SLC4A4: variants seen among roughly 807,000 people sequenced by gnomAD.
SLC4A4 encodes solute carrier family 4 member 4.
Under a neutral mutation model 111.5 loss-of-function variants are expected in SLC4A4, and 27 were observed. The observed-to-expected ratio is 0.24, with a 90% CI of 0.18 to 0.33. SLC4A4 has a LOEUF of 0.33. Ranked by LOEUF, SLC4A4 falls within the 10% of genes least tolerant of loss-of-function variation. The probability of loss-of-function intolerance (pLI) is 1.00; values close to 1 mark genes in which losing one functional copy is unlikely to be tolerated. For missense variants in SLC4A4, 909 were observed against 1,315.5 expected (o/e 0.69, Z 4.78); for synonymous variants, 443 against 463.4 (o/e 0.96, Z 0.57).
chr4:71,199,182 C>T (rs1040325963), intron 1 of SLC4A4, among the ~76,000 whole-genome samples: 7 of 152,278 alleles, frequency 4.6e-5, no homozygotes, highest in Non-Finnish European at 5.9e-5. Context: ...TGGGTCTGAC[C>T]GCACATGACA....
chr4:71,112,067 A>T (rs1743104755), intron 2 of SLC4A4, among the ~76,000 whole-genome samples: 1 of 152,246 alleles, frequency 6.6e-6, no homozygotes, highest in African/African-American at 2.4e-5. Flanking sequence ...ATCCTGTGCT[A>T]CAACCATCTG....
chr4:71,207,660 T>C (rs1429460052), intron 1 of SLC4A4, among the ~76,000 whole-genome samples: 8 of 152,244 alleles, frequency 5.3e-5, no homozygotes. Context: ...CTACTTCACA[T>C]TCTCCATCAA....
At chr4:71,354,144 C>T (rs1159874728) in intron 5 of SLC4A4, among the ~76,000 whole-genome samples, 1 of 151,996 alleles carries the variant, frequency 6.6e-6, no homozygotes, top group Non-Finnish European at 1.5e-5. Context: ...GTGTCATTCA[C>T]GTATGAAGCC....
intron 20 of SLC4A4, 40 bp downstream of exon 20, chr4:71,547,760 C>G: frequency 6.7e-7 from 1 of 1,493,538 alleles, no homozygotes; most frequent in Non-Finnish European, 9.3e-7. Flanking sequence ...TCTCAGAACA[C>G]TGACATATAA....
intron 1 of SLC4A4, among the ~76,000 whole-genome samples, chr4:71,219,957 A>T (rs967756020): frequency 6.6e-6 from 1 of 152,216 alleles, no homozygotes; most frequent in South Asian, 2.1e-4. Context: ...ATTTCTTGAG[A>T]TCGAATCTGC....
At chr4:71,184,737 T>C (rs1458909982), upstream of SLC4A4, among the ~76,000 whole-genome samples, 1 of 152,192 alleles carries the variant, frequency 6.6e-6, no homozygotes, top group Non-Finnish European at 1.5e-5. Flanking sequence ...AATCTCAGGA[T>C]TCATTGTTAT....
At chr4:71,413,546 AG>A (rs1443738527) in intron 7 of SLC4A4, among the ~76,000 whole-genome samples, 1 of 152,212 alleles carries the variant, frequency 6.6e-6, no homozygotes, top group African/African-American at 2.4e-5. Context: ...TGATGTGCTA[AG>A]TGAAAAGTAC....
chr4:71,567,961 ATT>A lies in SLC4A4; in HGVS notation c.*215_*216del. On this transcript the variant is annotated 3_prime_UTR_variant, in exon 26 of 26. Coordinates refer to ENST00000264485, the MANE Select transcript of SLC4A4 (RefSeq NM_001098484.3). ...TTTGTTTTTGTTTGGCTGTTTGTTT[ATT>A]TTTTAACTTTTATTTCGTCTCAGTT... 2.1e-6 allele frequency: 2 copies of A among 974,114 alleles called. No individual in the cohort carries two copies. Among genetic ancestry groups the A allele is most frequent in the South Asian group, 1.5e-5 (1 of 65,332 alleles). 60.3% of individuals were successfully genotyped at this position (974,114 alleles called of 1,614,324 possible).
At chr4:71,495,685 A>C (rs890735570) in intron 15 of SLC4A4, among the ~76,000 whole-genome samples, 56 of 152,254 alleles carry the variant, frequency 3.7e-4, no homozygotes, top group African/African-American at 1.3e-3. Flanking sequence ...CAATTCATTG[A>C]ATAGTAAAAG....
chr4:71,092,996 G>A (rs988989564), intron 2 of SLC4A4, among the ~76,000 whole-genome samples: 38 of 149,920 alleles, frequency 2.5e-4, no homozygotes, highest in African/African-American at 8.8e-4. Context: ...TCGGGAGGCT[G>A]AGGCAGGAGA....
At chr4:71,216,935 T>C (rs1162266376) in intron 1 of SLC4A4, among the ~76,000 whole-genome samples, 1 of 152,196 alleles carries the variant, frequency 6.6e-6, no homozygotes, top group Non-Finnish European at 1.5e-5. Flanking sequence ...CCATAGCTTC[T>C]CCACAACTGA....
At chr4:71,155,863 T>C (rs1020440684) in intron 2 of SLC4A4, among the ~76,000 whole-genome samples, 2 of 152,204 alleles carry the variant, frequency 1.3e-5, no homozygotes, top group Non-Finnish European at 2.9e-5. Context: ...TAAATTAGAA[T>C]AAATGTCTGT....
chr4:71,226,399 T>C (rs536268802), intron 1 of SLC4A4, among the ~76,000 whole-genome samples: 14 of 152,230 alleles, frequency 9.2e-5, no homozygotes, highest in African/African-American at 2.9e-4. Context: ...TTATTTAGAA[T>C]CAAATATGTG....
chr4:71,154,178 T>A (rs1744397621), intron 2 of SLC4A4, among the ~76,000 whole-genome samples: 1 of 152,194 alleles, frequency 6.6e-6, no homozygotes, highest in African/African-American at 2.4e-5. Context: ...GCTTTGCCTC[T>A]ACAGACTTGA....
chr4:71,381,840 T>C (rs1322848382), intron 6 of SLC4A4, among the ~76,000 whole-genome samples: 1 of 152,178 alleles, frequency 6.6e-6, no homozygotes, highest in African/African-American at 2.4e-5. Flanking sequence ...GAACAAGTGA[T>C]GTTTATGATA....
chr4:71,534,200 T>C, intron 17 of SLC4A4, 27 bp from the exon 18 acceptor site: 1 of 1,612,482 alleles, frequency 6.2e-7, no homozygotes, highest in Non-Finnish European at 8.5e-7. Context: ...GATAATTTTC[T>C]GAAAAATGTC....
chr4:71,095,853 GTC>G (rs1246693308), intron 2 of SLC4A4, among the ~76,000 whole-genome samples: 2 of 152,212 alleles, frequency 1.3e-5, no homozygotes, highest in East Asian at 3.9e-4. Flanking sequence ...GTCAGAGAAA[GTC>G]TCTCTGGAAG....
chr4:71,089,944 T>A (rs1339372600), intron 1 of SLC4A4, among the ~76,000 whole-genome samples: 1 of 105,670 alleles, frequency 9.5e-6, no homozygotes, highest in Non-Finnish European at 2.3e-5. Flanking sequence ...GGCATTTAAG[T>A]CTGCAGAGAA....
intron 7 of SLC4A4, among the ~76,000 whole-genome samples, chr4:71,418,061 T>A (rs908296843): frequency 1.3e-5 from 2 of 152,222 alleles, no homozygotes; most frequent in Non-Finnish European, 2.9e-5. Context: ...TATTGACAAT[T>A]TTTTTAAAAA....
Sources: allele counts gnomAD v4.1 joint callset (sites outside exome capture counted in the v4.1 genomes callset), GRCh38; gene constraint gnomAD v4.1.1; transcripts MANE v1.5; gene names NCBI Gene and HGNC (gene_info 2026-07-23, HGNC 2026-07-21).